Variants in RTL9 observed in about 807,000 individuals in gnomAD.
RTL9 encodes retrotransposon Gag-like protein 9.
Under a neutral mutation model 44.7 loss-of-function variants are expected in RTL9, and 19 were observed. That is an observed-to-expected ratio of 0.42 (90% CI 0.30 to 0.62). The LOEUF is 0.62. Among genes scored for constraint, RTL9 ranks in the 20% least tolerant of loss-of-function variants. RTL9 has a pLI of 0.16. For missense variants in RTL9, 1,105 were observed against 1,080.6 expected, an observed-to-expected ratio of 1.02 and a Z score of -0.32; for synonymous variants, 407 against 398.9, an observed-to-expected ratio of 1.02 and a Z score of -0.24.
At chrX:110,399,428 C>T (rs1018385601) in intron 1 of RTL9, among the ~76,000 whole-genome samples, 1 of 112,471 alleles carries the variant, frequency 8.9e-6, no homozygotes, top group East Asian at 2.8e-4. Context: ...TGAATTTGCG[C>T]TCACAGCAGG....
At chrX:110,384,809 G>C (rs2068443985) in intron 1 of RTL9, among the ~76,000 whole-genome samples, 1 of 110,790 alleles carries the variant, frequency 9.0e-6, no homozygotes, top group African/African-American at 3.3e-5. Context: ...TAGGTGCGAG[G>C]TGCATACCCT....
At chrX:110,428,976 C>T (rs1276669774) in intron 1 of RTL9, among the ~76,000 whole-genome samples, 3 of 112,112 alleles carry the variant, frequency 2.7e-5, no homozygotes, top group Non-Finnish European at 5.6e-5. Context: ...GCACTTGCTC[C>T]TCCTTCAACT....
intron 1 of RTL9, among the ~76,000 whole-genome samples, chrX:110,405,304 G>A (rs888132323): frequency 5.4e-5 from 6 of 111,825 alleles, no homozygotes; most frequent in Non-Finnish European, 9.4e-5. Context: ...CATTAAAATT[G>A]GATAACCAAG....
chrX:110,436,061 A>G (rs2068836649), intron 1 of RTL9, among the ~76,000 whole-genome samples: 1 of 112,700 alleles, frequency 8.9e-6, no homozygotes. Flanking sequence ...AGCCCCAACT[A>G]GCTCAAAATG....
chrX:110,362,689 TC>T (rs1163060585), intron 1 of RTL9, among the ~76,000 whole-genome samples: 5 of 111,986 alleles, frequency 4.5e-5, no homozygotes, highest in Admixed American at 1.9e-4. Context: ...ATTTACCAGT[TC>T]TTACTGACTG....
At chrX:110,438,581 G>A (rs991498945) in intron 1 of RTL9, among the ~76,000 whole-genome samples, 2 of 111,394 alleles carry the variant, frequency 1.8e-5, no homozygotes, top group African/African-American at 3.3e-5. Context: ...GCAAACAGGC[G>A]GTAGTGAAGT....
At chrX:110,454,748 A>G in intron 1 of RTL9, 84 bp downstream of exon 3, 1 of 854,117 alleles carries the variant, frequency 1.2e-6, no homozygotes. Flanking sequence ...TTCCTTGAGT[A>G]GAATTGGGAA....
At chrX:110,393,869 C>A (rs1036590419) in intron 1 of RTL9, among the ~76,000 whole-genome samples, 3 of 112,078 alleles carry the variant, frequency 2.7e-5, no homozygotes, top group African/African-American at 6.5e-5. Context: ...CTGGAATCAG[C>A]GGGTTAGAAA....
At chrX:110,412,795 T>C (rs2068649754) in intron 1 of RTL9, among the ~76,000 whole-genome samples, 1 of 112,103 alleles carries the variant, frequency 8.9e-6, no homozygotes, top group Admixed American at 9.4e-5. Flanking sequence ...GTAAGTATAG[T>C]AGGATCTGAT....
At chrX:110,429,458 G>GTTTTTTTTTTTTTTT (rs554736940) in intron 1 of RTL9, among the ~76,000 whole-genome samples, 2 of 80,935 alleles carry the variant, frequency 2.5e-5, no homozygotes, top group African/African-American at 9.0e-5. Flanking sequence ...GAGAAAAAGT[G>GTTTTTTTTTTTTTTT]TTTTTTTTTT....
At chrX:110,413,893 C>A (rs188541879) in intron 1 of RTL9, among the ~76,000 whole-genome samples, 74 of 111,561 alleles carry the variant, frequency 6.6e-4, no homozygotes, top group African/African-American at 2.3e-3. Flanking sequence ...CTTATGACAT[C>A]ATTTCAGTAA....
chrX:110,394,950 C>T (rs2068518974), intron 1 of RTL9, among the ~76,000 whole-genome samples: 1 of 112,777 alleles, frequency 8.9e-6, no homozygotes, highest in African/African-American at 3.2e-5. Context: ...CTAGCCTAGG[C>T]TTATACTCCC....
intron 1 of RTL9, among the ~76,000 whole-genome samples, chrX:110,410,372 G>A (rs756456747): frequency 2.2e-4 from 25 of 111,979 alleles, no homozygotes; most frequent in Non-Finnish European, 3.9e-4. Context: ...GTTTGGAAGT[G>A]AATCAACAAA....
Position 110,362,528 on chromosome X carries a change from A to C in RTL9, c.-168+3612A>C, listed in dbSNP as rs1026956440. Among the ~76,000 whole-genome samples, 62 of 112,184 alleles carry C rather than the reference A, an allele frequency of 5.5e-4. 1 individual carries two copies. The highest frequency in any genetic ancestry group is 3.6e-3 in the Admixed American group (38 of 10,562). Reference sequence around the variant, plus strand: ...TCAACACTTAATCATATTCTGAAGTACTCCCAGAAGCTGGGCGACTGTTAC... The same window carrying C: ...TCAACACTTAATCATATTCTGAAGTCCTCCCAGAAGCTGGGCGACTGTTAC... On this transcript the variant is annotated intron_variant, in intron 1 of 2. Coordinates refer to the RTL9 transcript ENST00000520821.
intron 1 of RTL9, among the ~76,000 whole-genome samples, chrX:110,376,360 T>C (rs1442406948): frequency 2.7e-5 from 3 of 111,139 alleles, no homozygotes; most frequent in African/African-American, 9.8e-5. Context: ...GAAGTTAGCC[T>C]GCCTCCAGAC....
At chrX:110,453,392 A>G (rs759549624) in exon 1 of RTL9, 2 of 1,211,492 alleles carry the variant, frequency 1.7e-6, no homozygotes, top group South Asian at 1.8e-5. Flanking sequence ...CTGTGTCCAC[A>G]GAGTTAATGA....
At chrX:110,386,988 T>C (rs1003153575) in intron 1 of RTL9, among the ~76,000 whole-genome samples, 1 of 112,442 alleles carries the variant, frequency 8.9e-6, no homozygotes, top group Non-Finnish European at 1.9e-5. Flanking sequence ...CCAAATGAAT[T>C]GCATGGAAAA....
At chrX:110,375,582 G>A (rs936587377) in intron 1 of RTL9, among the ~76,000 whole-genome samples, 1 of 111,775 alleles carries the variant, frequency 8.9e-6, no homozygotes, top group Non-Finnish European at 1.9e-5. Context: ...CAATCAATTA[G>A]AGCCTGCCCT....
intron 1 of RTL9, among the ~76,000 whole-genome samples, chrX:110,441,895 G>T (rs1438534679): frequency 8.9e-6 from 1 of 111,762 alleles, no homozygotes; most frequent in African/African-American, 3.3e-5. Context: ...AGCCTGTGAG[G>T]TAAGCAGTAT....
Sources: gnomAD v4.1 joint callset for allele counts (sites outside exome capture counted in the v4.1 genomes callset) on GRCh38, gnomAD v4.1.1 for gene constraint, MANE v1.5 for transcripts, NCBI Gene and HGNC (gene_info 2026-07-23, HGNC 2026-07-21) for gene names.